Variants in ZNF512 observed in about 807,000 individuals in gnomAD.
The protein encoded by ZNF512 is zinc finger protein 512.
ZNF512 carries 25 observed loss-of-function variants against 77.5 expected under a neutral mutation model. The ratio of observed to expected loss-of-function variants is 0.32; its 90% CI spans 0.23 to 0.45. The LOEUF is 0.45. ZNF512 is among the 20% of genes least tolerant of loss of function. The pLI, the probability that ZNF512 is intolerant of heterozygous loss-of-function variation, is 1.00. For missense variants in ZNF512, 483 were observed against 692.6 expected (o/e 0.70, Z 3.40); for synonymous variants, 246 against 239.9 (o/e 1.03, Z -0.24).
At chr2:27,583,380 C>G in intron 1 of ZNF512, 2 of 1,378,214 alleles carry the variant, frequency 1.5e-6, no homozygotes, top group Non-Finnish European at 1.9e-6. Flanking sequence ...TTTACATCCC[C>G]AATGTCTCTC....
chr2:27,617,295 T>A (rs575872480), intron 12 of ZNF512, 178 bp from the exon 13 acceptor site: 1 of 573,928 alleles, frequency 1.7e-6, no homozygotes, highest in African/African-American at 1.9e-5. Context: ...GATGGATTTA[T>A]GTTGATAATC....
At chr2:27,584,625 T>C (rs985205555) in intron 2 of ZNF512, among the ~76,000 whole-genome samples, 8 of 151,754 alleles carry the variant, frequency 5.3e-5, no homozygotes, top group African/African-American at 1.9e-4. Flanking sequence ...GGAAGGGGAG[T>C]GATAGTTTGG....
rs372982033 is a variant in ZNF512, at chr2:27,603,228, C to A, written c.857C>A (p.Thr286Asn). 2 of 1,614,124 alleles carry A rather than the reference C, an allele frequency of 1.2e-6. No individual in the cohort carries two copies. Among genetic ancestry groups the A allele is most frequent in the Non-Finnish European group, 1.7e-6 (2 of 1,180,014 alleles). Residue 286 changes from threonine (T) to asparagine (N), a missense_variant, in exon 9 of 14, where the codon ACC becomes AAC. Coordinates refer to ENST00000355467, the MANE Select transcript of ZNF512 (RefSeq NM_032434.4). Reference sequence around the variant, plus strand: ...GGGGCTGCAGAGCTGGAAAAGATGACCCTGAAATGTCACCACTGTGGAAAA... The same window carrying A: ...GGGGCTGCAGAGCTGGAAAAGATGAACCTGAAATGTCACCACTGTGGAAAA... Reference protein sequence around the residue: ...GKGAAELEKMTLKCHHCGKPY... With the variant: ...GKGAAELEKMNLKCHHCGKPY...
chr2:27,601,477 A>G (rs773000819), intron 7 of ZNF512, 35 bp downstream of exon 7: 5 of 1,533,602 alleles, frequency 3.3e-6, no homozygotes, highest in Admixed American at 1.8e-5. Context: ...GAGTGTTTGG[A>G]TGTCTTTTTT....
intron 2 of ZNF512, among the ~76,000 whole-genome samples, chr2:27,583,944 G>C (rs1203789874): frequency 6.6e-6 from 1 of 151,906 alleles, no homozygotes; most frequent in Non-Finnish European, 1.5e-5. Context: ...GTGATTTTGT[G>C]GCCAGCGCTG....
intron 3 of ZNF512, among the ~76,000 whole-genome samples, chr2:27,599,036 TC>T (rs1671998476): frequency 6.6e-6 from 1 of 152,160 alleles, no homozygotes; most frequent in Non-Finnish European, 1.5e-5. Context: ...AGACGGGGTT[TC>T]TCCATGTTGG....
intron 6 of ZNF512, 51 bp from the exon 7 acceptor site, chr2:27,601,305 T>C (rs1171462429): frequency 1.5e-6 from 2 of 1,370,624 alleles, no homozygotes; most frequent in East Asian, 2.4e-5. Flanking sequence ...CTTCATGACA[T>C]TCTGTTTCTC....
At chr2:27,615,975 A>G (rs1336740384) in intron 11 of ZNF512, among the ~76,000 whole-genome samples, 1 of 152,220 alleles carries the variant, frequency 6.6e-6, no homozygotes, top group Non-Finnish European at 1.5e-5. Flanking sequence ...TTTAAAAAAA[A>G]CTATATAATT....
At chr2:27,615,983 AT>A (rs1411701248) in intron 11 of ZNF512, among the ~76,000 whole-genome samples, 6 of 152,218 alleles carry the variant, frequency 3.9e-5, no homozygotes, top group South Asian at 4.2e-4. Flanking sequence ...AAACTATATA[AT>A]TTTCTGTGTT....
In ZNF512 at chr2:27,621,368, AGCCTCCT is replaced by A. The variant is rs1673116598; in HGVS notation, c.1613_1619del (p.Ala538ValfsTer16). 6.2e-7 allele frequency: 1 copy of A among 1,614,158 alleles called. No individual in the cohort carries two copies. The highest frequency in any genetic ancestry group is 8.5e-7 in the Non-Finnish European group (1 of 1,180,040). On this transcript the variant is annotated frameshift_variant, in exon 14 of 14. Coordinates refer to ENST00000355467, the MANE Select transcript of ZNF512 (RefSeq NM_032434.4). LOFTEE classifies it high-confidence loss of function. ...GGAATAATGAGGAACTGGTAGTGTC[AGCCTCCT>A]GTAAGGAACCAGAGCAGGAGCCAGT...
intron 2 of ZNF512, among the ~76,000 whole-genome samples, chr2:27,584,184 C>CA (rs934310285): frequency 1.6e-4 from 24 of 150,222 alleles, no homozygotes; most frequent in African/African-American, 5.4e-4. Context: ...ACCTAGCTTG[C>CA]AAAAAAAAAG....
rs746452386 is a variant in ZNF512 at position 27,617,988 on chromosome 2, G to A, written c.1395+417G>A. Among the ~76,000 whole-genome samples, 15 of 139,746 alleles carry A rather than the reference G, an allele frequency of 1.1e-4. No individual in the cohort carries two copies. The Middle Eastern group carries it at 0.012, about 115-fold the overall frequency. The allele number at this position is 139,746 out of a possible 152,430, so 91.7% of individuals were successfully genotyped here. On this transcript the variant is annotated intron_variant, in intron 13 of 13. Transcript: ENST00000355467. ...TTTTTAGACGGAGTCTCGCTCTGTTGCCCAATCTGGAGGGCTCACTGCAAC... is the reference window on the plus strand; with the variant it reads ...TTTTTAGACGGAGTCTCGCTCTGTTACCCAATCTGGAGGGCTCACTGCAAC...
At position 27,610,544 on chromosome 2, in the gene ZNF512, GTATATATATATA is replaced by G. The variant is rs1247718248; in HGVS notation, c.1131+2519_1131+2530del. 1.5e-4 allele frequency among the ~76,000 whole-genome samples: 5 copies of G among 32,654 alleles called. 1 individual carries two copies. Among genetic ancestry groups the G allele is most frequent in the Non-Finnish European group, 2.4e-4 (5 of 20,858 alleles). The allele number at this position is 32,654 out of a possible 152,430, so 21.4% of individuals were successfully genotyped here. A position where few individuals can be genotyped will look rare whatever the true frequency, so the allele number is the denominator to read the frequency against. The stretch of plus-strand genomic sequence containing the variant: ...TATGTGTGTGTATATATATGTGTGT[GTATATATATATA>G]TATATATATATATTTTTTTTTTTTT... On this transcript the variant is annotated intron_variant, in intron 10 of 13. Transcript: ENST00000355467.
chr2:27,596,530 A>G (rs1671878715), intron 2 of ZNF512, among the ~76,000 whole-genome samples: 1 of 152,200 alleles, frequency 6.6e-6, no homozygotes. Flanking sequence ...CTGCTCTGCA[A>G]GTGGGGTTCA....
chr2:27,610,533 T>G (rs1198189811), intron 10 of ZNF512, among the ~76,000 whole-genome samples: 3 of 97,704 alleles, frequency 3.1e-5, no homozygotes, highest in African/African-American at 1.6e-4. Context: ...TGTGTGTATA[T>G]ATATGTGTGT....
intron 10 of ZNF512, among the ~76,000 whole-genome samples, chr2:27,608,368 T>A (rs552823957): frequency 6.6e-6 from 1 of 152,322 alleles, no homozygotes; most frequent in African/African-American, 2.4e-5. Context: ...GATAAATGGT[T>A]TCAGTTTGTT....
At chr2:27,611,917 C>A (rs1267613588) in intron 10 of ZNF512, among the ~76,000 whole-genome samples, 1 of 152,002 alleles carries the variant, frequency 6.6e-6, no homozygotes, top group Non-Finnish European at 1.5e-5. Context: ...AGGCTGGTCT[C>A]GAACTCCTGA....
chr2:27,617,614 A>G (rs776378324), intron 13 of ZNF512, 43 bp downstream of exon 13: 11 of 802,190 alleles, frequency 1.4e-5, no homozygotes, highest in Non-Finnish European at 2.5e-5. Flanking sequence ...GTAAGCCACA[A>G]GAGAGGTAGA....
chr2:27,612,497 A>G (rs1442930086), intron 10 of ZNF512, among the ~76,000 whole-genome samples: 1 of 152,114 alleles, frequency 6.6e-6, no homozygotes, highest in East Asian at 1.9e-4. Context: ...ATACACATCC[A>G]TATTTATTTT....
Sources: allele counts gnomAD v4.1 joint callset (sites outside exome capture counted in the v4.1 genomes callset), GRCh38; gene constraint gnomAD v4.1.1; transcripts MANE v1.5; gene names NCBI Gene and HGNC (gene_info 2026-07-23, HGNC 2026-07-21).